Variants in CSMD1 observed in about 807,000 individuals in gnomAD.
CSMD1 encodes the protein CUB and Sushi multiple domains 1, also known as CUB and sushi domain-containing protein 1.
In CSMD1, 213 loss-of-function variants were observed where a neutral mutation model predicts 417.5. The observed-to-expected ratio is 0.51, with a 90% CI of 0.46 to 0.57. The LOEUF (loss-of-function observed/expected upper bound fraction) is 0.57. Ranked by LOEUF, CSMD1 falls within the 20% of genes least tolerant of loss-of-function variation. The pLI, the probability that CSMD1 is intolerant of heterozygous loss-of-function variation, is 0.00. For missense variants in CSMD1, 6,923 were observed against 4,529.7 expected (o/e 1.53, Z -15.17); for synonymous variants, 2,862 against 1,736.8 (o/e 1.65, Z -16.11).
chr8:4,486,244 T>C (rs1293786879), intron 2 of CSMD1, among the ~76,000 whole-genome samples: 13 of 40,552 alleles, frequency 3.2e-4, no homozygotes, highest in African/African-American at 1.1e-3. Flanking sequence ...TATATATATA[T>C]ACATACATAT....
intron 5 of CSMD1, among the ~76,000 whole-genome samples, chr8:3,885,854 A>C (rs1253397521): frequency 6.6e-6 from 1 of 152,228 alleles, no homozygotes; most frequent in East Asian, 1.9e-4. Flanking sequence ...CTCTGTGAAC[A>C]AAACAATTTG....
At chr8:4,006,521 C>T (rs1231531239) in intron 4 of CSMD1, among the ~76,000 whole-genome samples, 3 of 152,066 alleles carry the variant, frequency 2.0e-5, no homozygotes, top group Non-Finnish European at 2.9e-5. Flanking sequence ...TTGGCCTGAG[C>T]GACAGAGTGA....
At chr8:4,008,952 C>G (rs1018753599) in intron 4 of CSMD1, among the ~76,000 whole-genome samples, 3 of 152,054 alleles carry the variant, frequency 2.0e-5, no homozygotes, top group Non-Finnish European at 4.4e-5. Context: ...ATTTCCATGC[C>G]AAAGAGTTAA....
intron 23 of CSMD1, among the ~76,000 whole-genome samples, chr8:3,331,456 G>A (rs1451359787): frequency 6.6e-6 from 1 of 152,170 alleles, no homozygotes. Flanking sequence ...TCAGTGGGAA[G>A]CTCTTGAGCT....
chr8:4,592,740 A>G (rs1375060717), intron 2 of CSMD1, among the ~76,000 whole-genome samples: 1 of 152,074 alleles, frequency 6.6e-6, no homozygotes, highest in Admixed American at 6.6e-5. Flanking sequence ...ATGTGTGCTA[A>G]ATTTTTATCT....
At chr8:3,464,139 A>G (rs995589713) in intron 12 of CSMD1, among the ~76,000 whole-genome samples, 1 of 152,166 alleles carries the variant, frequency 6.6e-6, no homozygotes, top group East Asian at 1.9e-4. Context: ...GTAAATAGCT[A>G]CGGCAAATTA....
At chr8:3,669,222 C>G (rs1422084081) in intron 7 of CSMD1, among the ~76,000 whole-genome samples, 4 of 152,340 alleles carry the variant, frequency 2.6e-5, no homozygotes, top group South Asian at 2.1e-4. Flanking sequence ...TTCAAAGACA[C>G]TAAATAAGGT....
At chr8:3,604,295 G>A (rs1228292669) in intron 8 of CSMD1, among the ~76,000 whole-genome samples, 3 of 152,034 alleles carry the variant, frequency 2.0e-5, no homozygotes, top group Non-Finnish European at 4.4e-5. Context: ...AGGGAGGGAG[G>A]CTGCGGGGGG....
At chr8:2,963,449 G>T (rs1189722614) in intron 59 of CSMD1, 54 bp from the exon 60 acceptor site, 35 of 1,563,716 alleles carry the variant, frequency 2.2e-5, no homozygotes, top group Admixed American at 5.1e-5. Flanking sequence ...CTGCAGCGGT[G>T]ATGTTCAAAC....
intron 3 of CSMD1, among the ~76,000 whole-genome samples, chr8:4,395,174 C>A (rs1401044803): frequency 1.3e-5 from 2 of 152,170 alleles, no homozygotes; most frequent in Non-Finnish European, 2.9e-5. Flanking sequence ...TAGAACAACC[C>A]CTCCTCTTTT....
At chr8:3,222,221 A>C (rs563752471) in intron 28 of CSMD1, among the ~76,000 whole-genome samples, 1 of 152,234 alleles carries the variant, frequency 6.6e-6, no homozygotes, top group South Asian at 2.1e-4. Flanking sequence ...GCAGTGAAAA[A>C]ACCCTTGCAC....
chr8:3,748,105 C>A (rs748852636), intron 6 of CSMD1, among the ~76,000 whole-genome samples: 1 of 152,156 alleles, frequency 6.6e-6, no homozygotes, highest in Non-Finnish European at 1.5e-5. Context: ...TCGCTTGGAA[C>A]CCATAGATGG....
At chr8:4,016,414 G>C (rs1050879052) in intron 4 of CSMD1, among the ~76,000 whole-genome samples, 1 of 152,132 alleles carries the variant, frequency 6.6e-6, no homozygotes, top group African/African-American at 2.4e-5. Context: ...GAAGATGCAT[G>C]ACCCTGCAGC....
At chr8:4,235,019 T>C (rs1378418464) in intron 3 of CSMD1, among the ~76,000 whole-genome samples, 1 of 152,218 alleles carries the variant, frequency 6.6e-6, no homozygotes, top group Non-Finnish European at 1.5e-5. Flanking sequence ...ATCGTATTGG[T>C]GGGAGTTAAG....
At chr8:4,071,071 T>C (rs995992033) in intron 3 of CSMD1, among the ~76,000 whole-genome samples, 5 of 152,214 alleles carry the variant, frequency 3.3e-5, no homozygotes, top group African/African-American at 7.2e-5. Context: ...TACATGGTTA[T>C]GGTTTCTTTG....
At chr8:4,513,833 G>T (rs552848049) in intron 2 of CSMD1, among the ~76,000 whole-genome samples, 2 of 152,290 alleles carry the variant, frequency 1.3e-5, no homozygotes, top group African/African-American at 2.4e-5. Flanking sequence ...GTGATGTACT[G>T]CTCTGACAAC....
intron 10 of CSMD1, among the ~76,000 whole-genome samples, chr8:3,529,583 A>C (rs539840339): frequency 6.4e-4 from 97 of 152,340 alleles, no homozygotes; most frequent in South Asian, 1.2e-3. Flanking sequence ...GTAGAATCAC[A>C]GGAATGCGAT....
chr8:3,253,815 T>A (rs1200384683), intron 26 of CSMD1, among the ~76,000 whole-genome samples: 1 of 152,200 alleles, frequency 6.6e-6, no homozygotes, highest in Non-Finnish European at 1.5e-5. Context: ...TGTAGGGTCT[T>A]GACTCTTTAT....
intron 7 of CSMD1, among the ~76,000 whole-genome samples, chr8:3,617,261 G>A (rs1428692948): frequency 2.0e-5 from 3 of 152,174 alleles, no homozygotes; most frequent in South Asian, 2.1e-4. Flanking sequence ...ACATTGAAGT[G>A]CTTATCATTG....
Sources: gnomAD v4.1 joint callset for allele counts (sites outside exome capture counted in the v4.1 genomes callset) on GRCh38, gnomAD v4.1.1 for gene constraint, MANE v1.5 for transcripts, NCBI Gene and HGNC (gene_info 2026-07-23, HGNC 2026-07-21) for gene names.